PKHD1L1: variants seen among roughly 807,000 people sequenced by gnomAD.
PKHD1L1 encodes the protein fibrocystin-L.
PKHD1L1 carries 434 observed loss-of-function variants against 462.9 expected under a neutral mutation model. That is an observed-to-expected ratio of 0.94 (90% confidence interval 0.87 to 1.02). The LOEUF (loss-of-function observed/expected upper bound fraction) is 1.02, where lower values mean the gene tolerates loss of function less well. Ranked by LOEUF, PKHD1L1 falls within the 50% of genes least tolerant of loss-of-function variation. The probability of loss-of-function intolerance (pLI) is 0.00; values close to 1 mark genes in which losing one functional copy is unlikely to be tolerated. For synonymous variants in PKHD1L1, 1,781 were observed against 1,750.0 expected (o/e 1.02, Z -0.44); for missense variants, 5,202 against 5,096.1 (o/e 1.02, Z -0.63).
intron 14 of PKHD1L1, among the ~76,000 whole-genome samples, chr8:109,403,374 T>A (rs756044450): frequency 1.3e-5 from 2 of 152,188 alleles, no homozygotes; most frequent in Non-Finnish European, 2.9e-5. Flanking sequence ...CAGTTACTAG[T>A]TTAAAAAATT....
At chr8:109,406,235 C>T in intron 16 of PKHD1L1, 100 bp from the exon 17 acceptor site, 2 of 1,220,354 alleles carry the variant, frequency 1.6e-6, no homozygotes, top group Non-Finnish European at 2.2e-6. Flanking sequence ...AGTATAGGTG[C>T]TTTAAAAATA....
intron 21 of PKHD1L1, among the ~76,000 whole-genome samples, chr8:109,416,185 G>T (rs1215675519): frequency 6.6e-6 from 1 of 152,166 alleles, no homozygotes; most frequent in African/African-American, 2.4e-5. Flanking sequence ...AAACACAAAA[G>T]TCATGCTTCA....
At chr8:109,480,388 A>G (rs1409681496) in intron 55 of PKHD1L1, among the ~76,000 whole-genome samples, 1 of 152,048 alleles carries the variant, frequency 6.6e-6, no homozygotes, top group Admixed American at 6.6e-5. Flanking sequence ...TCCATTGTGT[A>G]TAGAATATCT....
chr8:109,451,221 G>T, intron 41 of PKHD1L1, 72 bp downstream of exon 41: 1 of 1,452,376 alleles, frequency 6.9e-7, no homozygotes, highest in Non-Finnish European at 9.3e-7. Context: ...TTTCTCCTAT[G>T]CCCGGACAGT....
At chr8:109,465,802 C>A (rs1368645185) in intron 49 of PKHD1L1, among the ~76,000 whole-genome samples, 1 of 152,020 alleles carries the variant, frequency 6.6e-6, no homozygotes, top group Non-Finnish European at 1.5e-5. Flanking sequence ...TCAAAGAATA[C>A]CAAAAGAACA....
intron 60 of PKHD1L1, 52 bp downstream of exon 60, chr8:109,490,107 T>C: frequency 8.8e-7 from 1 of 1,130,032 alleles, no homozygotes; most frequent in Admixed American, 2.5e-5. Flanking sequence ...CAAAATATTT[T>C]TATTTTCATT....
intron 12 of PKHD1L1, among the ~76,000 whole-genome samples, chr8:109,399,043 T>C (rs1199779033): frequency 2.0e-5 from 3 of 152,160 alleles, no homozygotes; most frequent in Admixed American, 6.5e-5. Context: ...TCTACACTAA[T>C]ATCATTGAAA....
Position 109,481,501 on chromosome 8 carries a change from A to T in PKHD1L1, c.9396A>T (p.Gly3132=). The change falls in exon 56 of 78, where the codon GGA becomes GGT. Residue 3132 remains glycine (G), a synonymous_variant. Transcript: ENST00000378402. ...GAGACTTAAAGATTGTTCTTAGAGG[A>T]AATCATACTACACAAGACTGGGCTC... ...FKGDLKIVLR[G]NHTTQDWALP... is the part of the protein sequence containing the mutation. The T allele has an allele frequency of 6.3e-7, 1 of 1,597,144 alleles. No individual in the cohort carries two copies. Among genetic ancestry groups the T allele is most frequent in the Non-Finnish European group, 8.5e-7 (1 of 1,170,798 alleles).
chr8:109,491,945 AT>A lies in PKHD1L1; in HGVS notation c.10188del (p.Gln3397ArgfsTer6). The A allele has an allele frequency of 6.3e-7, 1 of 1,597,834 alleles. No individual in the cohort carries two copies. Among genetic ancestry groups the A allele is most frequent in the Non-Finnish European group, 8.5e-7 (1 of 1,169,854 alleles). ...LIALSVWPGTYQNRKDLSSTL... is the reference protein window; with the variant it reads ...LIALSVWPGTXQNRKDLSSTL... ...GCACTTTCGGTTTGGCCAGGAACCTATCAGAACAGAAAAGATTTAAGTTCAA... is the reference window on the plus strand; with the variant it reads ...GCACTTTCGGTTTGGCCAGGAACCTACAGAACAGAAAAGATTTAAGTTCAA... On this transcript the variant is annotated frameshift_variant, in exon 62 of 78. Coordinates refer to ENST00000378402, the MANE Select transcript of PKHD1L1 (RefSeq NM_177531.6). LOFTEE classifies it high-confidence loss of function.
At chr8:109,464,195 T>G (rs762250249) in intron 48 of PKHD1L1, 21 bp from the exon 49 acceptor site, 42 of 1,519,268 alleles carry the variant, frequency 2.8e-5, no homozygotes, top group Non-Finnish European at 3.6e-5. Flanking sequence ...ACTAAATAAC[T>G]GTGATTTCTG....
At chr8:109,411,040 T>C (rs1005403596) in intron 19 of PKHD1L1, among the ~76,000 whole-genome samples, 2 of 152,058 alleles carry the variant, frequency 1.3e-5, no homozygotes, top group Non-Finnish European at 2.9e-5. Context: ...GTTTTTGTTT[T>C]CTTAGCTTGG....
At chr8:109,506,514 A>G (rs1051391303) in intron 68 of PKHD1L1, among the ~76,000 whole-genome samples, 1 of 152,156 alleles carries the variant, frequency 6.6e-6, no homozygotes, top group African/African-American at 2.4e-5. Flanking sequence ...TTGCTAATTT[A>G]CTTGAACAAA....
intron 12 of PKHD1L1, among the ~76,000 whole-genome samples, chr8:109,398,904 A>G (rs114110204): frequency 6.6e-6 from 1 of 152,304 alleles, no homozygotes; most frequent in South Asian, 2.1e-4. Flanking sequence ...GATTAAAAAA[A>G]GATAAATAGG....
intron 2 of PKHD1L1, among the ~76,000 whole-genome samples, chr8:109,367,620 T>C (rs561203247): frequency 1.3e-5 from 2 of 152,382 alleles, no homozygotes; most frequent in South Asian, 4.1e-4. Context: ...CGTTGGTCCG[T>C]GCCTGTAATC....
chr8:109,502,656 T>C (rs79026000), intron 67 of PKHD1L1, among the ~76,000 whole-genome samples: 1,707 of 152,346 alleles, frequency 0.011, 12 homozygotes, highest in Middle Eastern at 0.017. Flanking sequence ...ATAACCACCA[T>C]AGTTTCCTTT....
chr8:109,482,112 CT>C (rs913367947), intron 56 of PKHD1L1, among the ~76,000 whole-genome samples: 4 of 56,416 alleles, frequency 7.1e-5, no homozygotes, highest in Non-Finnish European at 1.1e-4. Flanking sequence ...AAGCAAATGG[CT>C]TGAAAGAGTT....
chr8:109,491,864 T>C lies in PKHD1L1; in HGVS notation c.10115-9T>C, dbSNP rs1326328119. On this transcript the variant is annotated splice_polypyrimidine_tract_variant and intron_variant, in intron 61 of 77. Transcript: ENST00000378402. ...GGGATTTTCTTTCTTTTTTTCTTTTTTTAAACAGGCATAAGAATATGGGGG... is the reference window on the plus strand; with the variant it reads ...GGGATTTTCTTTCTTTTTTTCTTTTCTTAAACAGGCATAAGAATATGGGGG... 1.3e-6 allele frequency: 2 copies of C among 1,504,572 alleles called. No individual in the cohort carries two copies. The highest frequency in any genetic ancestry group is 1.8e-6 in the Non-Finnish European group (2 of 1,122,904). 93.2% of individuals were successfully genotyped at this position (1,504,572 alleles called of 1,614,324 possible). A position where few individuals can be genotyped will look rare whatever the true frequency, so the allele number is the denominator to read the frequency against.
At position 109,434,613 on chromosome 8, in the gene PKHD1L1, T is replaced by C. The variant is rs1815294226; in HGVS notation, c.3341-577T>C. On this transcript the variant is annotated intron_variant, in intron 28 of 77. Transcript: ENST00000378402. ...CCTCCCAAGTAGCTGAGATTACAGG[T>C]GTCTGACACCACACCCAGCTATTTT... 3.9e-5 allele frequency among the ~76,000 whole-genome samples: 6 copies of C among 152,046 alleles called. No homozygotes were observed. In the South Asian group the frequency reaches 1.2e-3, roughly 32 times the overall value.
chr8:109,428,023 C>CAAAAAA (rs55963339), intron 25 of PKHD1L1, among the ~76,000 whole-genome samples: 9 of 70,284 alleles, frequency 1.3e-4, no homozygotes, highest in Non-Finnish European at 2.1e-4. Context: ...AACTCCGTCT[C>CAAAAAA]AAAAAAAAAA....
Sources: gnomAD v4.1 joint callset for allele counts (sites outside exome capture counted in the v4.1 genomes callset) on GRCh38, gnomAD v4.1.1 for gene constraint, MANE v1.5 for transcripts, NCBI Gene and HGNC (gene_info 2026-07-23, HGNC 2026-07-21) for gene names.